The following NOL10 variants were observed in gnomAD, a reference collection of about 807,000 sequenced individuals.
The protein encoded by NOL10 is nucleolar protein 10.
In NOL10, 58 loss-of-function variants were observed where a neutral mutation model predicts 103.5. That is an observed-to-expected ratio of 0.56 (90% CI 0.45 to 0.70). The LOEUF (loss-of-function observed/expected upper bound fraction) is 0.70. Ranked by LOEUF, NOL10 falls within the 30% of genes least tolerant of loss-of-function variation. The probability of loss-of-function intolerance (pLI) is 0.00; values close to 1 mark genes in which losing one functional copy is unlikely to be tolerated. For missense variants in NOL10, 763 were observed against 807.3 expected, an observed-to-expected ratio of 0.95 and a Z score of 0.67; for synonymous variants, 287 against 282.5, an observed-to-expected ratio of 1.02 and a Z score of -0.16.
intron 13 of NOL10, among the ~76,000 whole-genome samples, chr2:10,629,128 C>A (rs907471211): frequency 1.3e-5 from 2 of 150,468 alleles, no homozygotes; most frequent in African/African-American, 4.9e-5. Flanking sequence ...CCCACCACCC[C>A]TCCACCTCCA....
chr2:10,636,020 G>C (rs1678184339), intron 13 of NOL10, among the ~76,000 whole-genome samples: 1 of 152,056 alleles, frequency 6.6e-6, no homozygotes, highest in Non-Finnish European at 1.5e-5. Context: ...CAAGTAGCTG[G>C]GATTACAGGC....
intron 13 of NOL10, among the ~76,000 whole-genome samples, chr2:10,610,636 T>G (rs1486883918): frequency 6.6e-6 from 1 of 152,164 alleles, no homozygotes; most frequent in Non-Finnish European, 1.5e-5. Context: ...GGCCTACCAT[T>G]AAGTTTCAAA....
chr2:10,594,348 T>C lies in NOL10; in HGVS notation c.1423-4597A>G, dbSNP rs549176848. Among the ~76,000 whole-genome samples the C allele has an allele frequency of 4.6e-5, 7 of 152,310 alleles. No individual in the cohort carries two copies. The South Asian group carries it at 1.5e-3, about 32-fold the overall frequency. On this transcript the variant is annotated intron_variant, in intron 17 of 20. Coordinates refer to ENST00000381685, the MANE Select transcript of NOL10 (RefSeq NM_024894.4). ...CTGACTGCTTGCCTAGGTTGGAAAC[T>C]ATATTCCTTCAGGAAACTGAAGGTT...
chr2:10,621,340 T>C (rs922781129), intron 13 of NOL10, among the ~76,000 whole-genome samples: 2 of 151,960 alleles, frequency 1.3e-5, no homozygotes, highest in Admixed American at 6.6e-5. Context: ...AGGCCTGTAA[T>C]CCCAGCACTT....
chr2:10,682,193 C>A, intron 2 of NOL10, 124 bp from the exon 3 acceptor site: 1 of 402,408 alleles, frequency 2.5e-6, no homozygotes, highest in Non-Finnish European at 4.4e-6. Context: ...CAAATGCTTC[C>A]TGGCCTTGGG....
intron 14 of NOL10, among the ~76,000 whole-genome samples, chr2:10,603,989 TC>T (rs1398038155): frequency 6.6e-6 from 1 of 152,218 alleles, no homozygotes; most frequent in East Asian, 1.9e-4. Context: ...AGACAATTTT[TC>T]CACGGATGCA....
intron 13 of NOL10, among the ~76,000 whole-genome samples, chr2:10,643,918 C>A (rs1678883438): frequency 1.3e-5 from 2 of 152,158 alleles, no homozygotes; most frequent in South Asian, 4.1e-4. Flanking sequence ...ATGTACACAG[C>A]CACATGTAGA....
chr2:10,579,296 CTAAT>C (rs961160364), intron 19 of NOL10, among the ~76,000 whole-genome samples: 37 of 152,134 alleles, frequency 2.4e-4, no homozygotes, highest in African/African-American at 8.4e-4. Context: ...TATAGACTAA[CTAAT>C]TAATCCTTTC....
intron 13 of NOL10, among the ~76,000 whole-genome samples, chr2:10,619,150 T>C (rs762433800): frequency 1.1e-4 from 17 of 152,106 alleles, no homozygotes; most frequent in Non-Finnish European, 2.2e-4. Context: ...GGTATGTATG[T>C]ATTTATGTAT....
chr2:10,571,928 G>T lies in NOL10; in HGVS notation c.*143C>A. 9.8e-7 allele frequency: 1 copy of T among 1,021,624 alleles called. No individual in the cohort carries two copies. The highest frequency in any genetic ancestry group is 1.4e-6 in the Non-Finnish European group (1 of 709,694). 63.3% of individuals were successfully genotyped at this position (1,021,624 alleles called of 1,614,324 possible). The stretch of plus-strand genomic sequence containing the variant: ...TCAAAGTCCAACCCACAAGGCACAG[G>T]TTTTCAAATCTTTACCTCTGTGTAC... On this transcript the variant is annotated 3_prime_UTR_variant, in exon 21 of 21. Coordinates refer to ENST00000381685, the MANE Select transcript of NOL10 (RefSeq NM_024894.4).
In NOL10 at chr2:10,659,249, T is replaced by A; in HGVS notation, c.679A>T (p.Ile227Leu). The change falls in exon 10 of 21, where the codon ATA (isoleucine) becomes TTA (leucine). Residue 227 changes from isoleucine to leucine, a missense_variant and splice_region_variant. Transcript: ENST00000381685. The stretch of plus-strand genomic sequence containing the variant: ...GCAGAGATTGTTGGTAAACTGTTTA[T>A]CCTGAAAAGCAAAATATTCATGCTT... ...ALNSVTADSE[I>L]NSLPTISALK... The A allele has an allele frequency of 6.4e-7, 1 of 1,568,472 alleles. No homozygotes were observed. The highest frequency in any genetic ancestry group is 8.7e-7 in the Non-Finnish European group (1 of 1,153,708).
chr2:10,672,980 C>T (rs1445567656), intron 5 of NOL10, among the ~76,000 whole-genome samples: 1 of 151,740 alleles, frequency 6.6e-6, no homozygotes, highest in Non-Finnish European at 1.5e-5. Flanking sequence ...GGTGACAGAG[C>T]AAGGCCCTGT....
At chr2:10,633,643 A>G (rs1016930548) in intron 13 of NOL10, among the ~76,000 whole-genome samples, 3 of 152,058 alleles carry the variant, frequency 2.0e-5, no homozygotes, top group African/African-American at 7.2e-5. Context: ...TTCTCTGTTG[A>G]GTGAGAAGAA....
chr2:10,653,468 C>T (rs1014039575), intron 12 of NOL10, among the ~76,000 whole-genome samples: 1 of 152,192 alleles, frequency 6.6e-6, no homozygotes, highest in Non-Finnish European at 1.5e-5. Flanking sequence ...TTGTCCAAAA[C>T]CAATCTACCC....
At chr2:10,609,030 T>C (rs1438232761) in intron 13 of NOL10, among the ~76,000 whole-genome samples, 1 of 151,986 alleles carries the variant, frequency 6.6e-6, no homozygotes, top group African/African-American at 2.4e-5. Context: ...ACTGCTATGG[T>C]TTTAAGCAAT....
intron 2 of NOL10, among the ~76,000 whole-genome samples, chr2:10,683,224 A>G (rs1681906601): frequency 1.3e-5 from 2 of 152,174 alleles, no homozygotes; most frequent in African/African-American, 4.8e-5. Context: ...GGGAAAATAA[A>G]TTTTCTTTCA....
intron 20 of NOL10, among the ~76,000 whole-genome samples, chr2:10,573,803 T>A (rs974254661): frequency 6.6e-6 from 1 of 152,176 alleles, no homozygotes; most frequent in Non-Finnish European, 1.5e-5. Context: ...TCTTCTGAAG[T>A]GCGTCCCAAA....
intron 5 of NOL10, among the ~76,000 whole-genome samples, chr2:10,672,525 C>T (rs1681017524): frequency 6.6e-6 from 1 of 151,868 alleles, no homozygotes; most frequent in African/African-American, 2.4e-5. Flanking sequence ...ATAAATGATA[C>T]CATAGACAAA....
In NOL10 at chr2:10,589,650, T is replaced by A; in HGVS notation, c.1524A>T (p.Pro508=). 3 of 1,591,644 alleles carry A rather than the reference T, an allele frequency of 1.9e-6. No individual in the cohort carries two copies. Among genetic ancestry groups the A allele is most frequent in the African/African-American group, 1.3e-5 (1 of 74,214 alleles). Residue 508 remains proline, a synonymous_variant, in exon 18 of 21, where the codon CCA becomes CCT. Transcript: ENST00000381685. ...TTTTTTCACTAATTTTTGAAACAAG[T>A]GGATTCAGAAGCCTAAATTCTTCAC... is the stretch of plus-strand genomic sequence containing the variant. The part of the protein sequence containing the change: ...EESEEFRLLN[P]LVSKISEKRK...
Sources: allele counts gnomAD v4.1 joint callset (sites outside exome capture counted in the v4.1 genomes callset), GRCh38; gene constraint gnomAD v4.1.1; transcripts MANE v1.5; gene names NCBI Gene and HGNC (gene_info 2026-07-23, HGNC 2026-07-21).